ACSF3: variants seen among roughly 807,000 people sequenced by gnomAD.
The protein encoded by ACSF3 is acyl-CoA synthetase family member 3, also known as malonate--CoA ligase ACSF3, mitochondrial.
A neutral mutation model predicts 53.2 loss-of-function variants in ACSF3; 78 were observed. That is an observed-to-expected ratio of 1.47 (90% confidence interval 1.22 to 1.77). ACSF3 has a LOEUF of 1.77. ACSF3 is among the 40% of genes most tolerant of loss of function. ACSF3 has a pLI of 0.00. For synonymous variants in ACSF3, 414 were observed against 333.1 expected (o/e 1.24, Z -2.65); for missense variants, 937 against 771.1 (o/e 1.22, Z -2.55).
At chr16:89,113,753 G>A (rs1904491058) in intron 5 of ACSF3, 2 of 195,878 alleles carry the variant, frequency 1.0e-5, no homozygotes, top group Non-Finnish European at 2.2e-5. Context: ...CAGGGCCCGT[G>A]TTCTCCTGCC....
intron 10 of ACSF3, chr16:89,149,716 T>C (rs72819312): frequency 0.048 from 7,336 of 152,302 alleles, 257 homozygotes; most frequent in East Asian, 0.15. Flanking sequence ...TGGCTGGGTC[T>C]AGGGCTTTTC....
At chr16:89,141,921 C>T (rs1303458219) in intron 8 of ACSF3, among the ~76,000 whole-genome samples, 1 of 152,208 alleles carries the variant, frequency 6.6e-6, no homozygotes. Flanking sequence ...CCGAGACAGG[C>T]GTCCATCACA....
At chr16:89,129,312 G>C (rs1462786275) in intron 7 of ACSF3, among the ~76,000 whole-genome samples, 1 of 152,164 alleles carries the variant, frequency 6.6e-6, no homozygotes, top group Non-Finnish European at 1.5e-5. Context: ...TTGAAAGTCT[G>C]TTGTTTGGTA....
chr16:89,141,393 A>C, intron 8 of ACSF3: 130 of 1,090,728 alleles, frequency 1.2e-4, no homozygotes, highest in Middle Eastern at 3.8e-4. Flanking sequence ...GGGCAAGCTC[A>C]GGGCTGGGAG....
intron 10 of ACSF3, chr16:89,148,853 C>T (rs1042688897): frequency 6.6e-6 from 1 of 152,236 alleles, no homozygotes; most frequent in African/African-American, 2.4e-5. Flanking sequence ...ATGAGAGGCA[C>T]TTCCATGAAG....
intron 8 of ACSF3, among the ~76,000 whole-genome samples, chr16:89,135,503 G>A (rs903079216): frequency 3.9e-5 from 6 of 152,254 alleles, no homozygotes; most frequent in Non-Finnish European, 5.9e-5. Context: ...AGGCACCTTC[G>A]TGGGCTGGAC....
rs1441350114 is a variant in ACSF3, at chr16:89,093,925, G to T, written c.-265G>T. 1.2e-5 allele frequency: 4 copies of T among 327,036 alleles called. No individual in the cohort carries two copies. The highest frequency in any genetic ancestry group is 6.3e-5 in the South Asian group (3 of 47,482). 20.3% of individuals were successfully genotyped at this position (327,036 alleles called of 1,614,324 possible). A position where few individuals can be genotyped will look rare whatever the true frequency, so the allele number is the denominator to read the frequency against. On this transcript the variant is annotated 5_prime_UTR_variant, in exon 1 of 11. Transcript: ENST00000614302. ...GGCCGGAACCCGGCCCGACCCCGGC[G>T]CGCGCGCGGCGGAGGACGAGGAAGA...
chr16:89,136,121 C>T (rs1651662729), intron 8 of ACSF3, among the ~76,000 whole-genome samples: 1 of 152,248 alleles, frequency 6.6e-6, no homozygotes, highest in South Asian at 2.1e-4. Context: ...ACGTTTTCTT[C>T]TTTGAAAGCA....
chr16:89,123,371 C>T (rs535065145), intron 7 of ACSF3, among the ~76,000 whole-genome samples: 2 of 152,344 alleles, frequency 1.3e-5, no homozygotes, highest in East Asian at 3.9e-4. Flanking sequence ...ACCCCACGCT[C>T]ACACTCGCAG....
intron 8 of ACSF3, among the ~76,000 whole-genome samples, chr16:89,136,370 T>C (rs1167265491): frequency 1.3e-5 from 2 of 152,216 alleles, no homozygotes; most frequent in Non-Finnish European, 2.9e-5. Flanking sequence ...GAAGGGAGTA[T>C]GTGTGTTTAA....
At chr16:89,145,457 G>A in intron 9 of ACSF3, 56 bp downstream of exon 9, 1 of 1,605,996 alleles carries the variant, frequency 6.2e-7, no homozygotes. Flanking sequence ...TGCCTTCCAT[G>A]TTTGAGTTTT....
At chr16:89,114,913 TGGTGGGCAG>T in intron 6 of ACSF3, 1 of 336,962 alleles carries the variant, frequency 3.0e-6, no homozygotes, top group South Asian at 2.4e-5. Flanking sequence ...GAGGTGGGTG[TGGTGGGCAG>T]GGTGGGATGA....
chr16:89,138,535 T>C (rs1911087172), intron 8 of ACSF3, among the ~76,000 whole-genome samples: 1 of 152,212 alleles, frequency 6.6e-6, no homozygotes, highest in Non-Finnish European at 1.5e-5. Flanking sequence ...GAAATGGCCA[T>C]GCTTGCCCCA....
chr16:89,141,797 AC>A (rs1200777832), intron 8 of ACSF3, among the ~76,000 whole-genome samples: 1 of 152,172 alleles, frequency 6.6e-6, no homozygotes, highest in East Asian at 1.9e-4. Context: ...GGAAGGACAC[AC>A]GACTGCCACC....
rs748382994 is a variant in ACSF3, at chr16:89,145,305, C to T, written c.1405C>T (p.Arg469Ter). The T allele has an allele frequency of 1.6e-5, 26 of 1,614,002 alleles. No individual in the cohort carries two copies. In the South Asian group the frequency reaches 1.6e-4, roughly 10 times the overall value. Residue 469 changes from arginine (R) to a stop codon, truncating the protein, a stop_gained, in exon 9 of 11, where the codon CGA becomes TGA. Transcript: ENST00000614302. LOFTEE classifies it high-confidence loss of function. ...GTTTAAGGATGGCCAGTACTGGATC[C>T]GAGGCCGGACCTCAGTGGACATCAT... ...VVFKDGQYWI[R>*]GRTSVDIIKT...
At chr16:89,100,176 C>T (rs1040559608) in intron 2 of ACSF3, among the ~76,000 whole-genome samples, 2 of 152,210 alleles carry the variant, frequency 1.3e-5, no homozygotes, top group African/African-American at 2.4e-5. Context: ...CACATTTCCA[C>T]TGCGCACCAG....
At chr16:89,136,389 C>T (rs922606010) in intron 8 of ACSF3, among the ~76,000 whole-genome samples, 8 of 152,192 alleles carry the variant, frequency 5.3e-5, no homozygotes, top group African/African-American at 1.9e-4. Flanking sequence ...AATTGGCTCT[C>T]GGGGGTAAGG....
At chr16:89,094,673 A>G (rs1974402709) in intron 1 of ACSF3, among the ~76,000 whole-genome samples, 1 of 152,168 alleles carries the variant, frequency 6.6e-6, no homozygotes, top group South Asian at 2.1e-4. Flanking sequence ...CAGGAGGATC[A>G]CTTGTGGCCA....
Position 89,100,690 on chromosome 16 carries a change from C to G in ACSF3, c.9C>G (p.Pro3=). 6.2e-7 allele frequency: 1 copy of G among 1,600,076 alleles called. No homozygotes were observed. Among genetic ancestry groups the G allele is most frequent in the South Asian group, 1.1e-5 (1 of 91,054 alleles). ...GGCCGCCTGTCAGTGCAATGCTGCC[C>G]CATGTGGTGCTCACCTTCCGGCGCC... ML[P]HVVLTFRRLG... is the part of the protein sequence containing the mutation. The change falls in exon 3 of 11, where the codon CCC becomes CCG. Residue 3 remains proline (P), a synonymous_variant. Transcript: ENST00000614302.
Sources: allele counts gnomAD v4.1 joint callset (sites outside exome capture counted in the v4.1 genomes callset), GRCh38; gene constraint gnomAD v4.1.1; transcripts MANE v1.5; gene names NCBI Gene and HGNC (gene_info 2026-07-23, HGNC 2026-07-21).